AGPS: variants seen among roughly 807,000 people sequenced by gnomAD.
AGPS encodes alkylglycerone phosphate synthase, also known as alkyldihydroxyacetonephosphate synthase, peroxisomal.
A neutral mutation model predicts 90.7 loss-of-function variants in AGPS; 26 were observed. The ratio of observed to expected loss-of-function variants is 0.29; its 90% CI spans 0.21 to 0.40. The LOEUF is 0.40. Among genes scored for constraint, AGPS ranks in the 10% least tolerant of loss-of-function variants. The pLI is 1.00. For missense variants in AGPS, 540 were observed against 816.1 expected, an observed-to-expected ratio of 0.66 and a Z score of 4.12; for synonymous variants, 294 against 285.3, an observed-to-expected ratio of 1.03 and a Z score of -0.31.
chr2:177,413,815 T>G (rs1685707772), intron 1 of AGPS, among the ~76,000 whole-genome samples: 1 of 152,224 alleles, frequency 6.6e-6, no homozygotes, highest in Non-Finnish European at 1.5e-5. Context: ...ACACCTGCCC[T>G]TACCACAAAA....
intron 16 of AGPS, among the ~76,000 whole-genome samples, chr2:177,512,481 T>C (rs989242166): frequency 1.3e-5 from 2 of 152,232 alleles, no homozygotes; most frequent in Admixed American, 1.3e-4. Context: ...TTTAATCATA[T>C]ACTGTTTGTT....
rs1384965894 is a variant in AGPS at position 177,539,412 on chromosome 2, T to A, written c.*1217T>A. ...AAGCATTTGTACATTCAAACCTGGATATTAAAGTGAAATGATTACTTTGAA... is the reference window on the plus strand; with the variant it reads ...AAGCATTTGTACATTCAAACCTGGAAATTAAAGTGAAATGATTACTTTGAA... On this transcript the variant is annotated 3_prime_UTR_variant, in exon 20 of 20. Transcript: ENST00000264167. 2 of 152,066 alleles carry A rather than the reference T, an allele frequency of 1.3e-5. No homozygotes were observed. The highest frequency in any genetic ancestry group is 2.9e-5 in the Non-Finnish European group (2 of 67,930). 9.4% of individuals were successfully genotyped at this position (152,066 alleles called of 1,614,324 possible). A position where few individuals can be genotyped will look rare whatever the true frequency, so the allele number is the denominator to read the frequency against.
chr2:177,463,172 A>G (rs1302170392), intron 9 of AGPS, among the ~76,000 whole-genome samples: 1 of 152,216 alleles, frequency 6.6e-6, no homozygotes, highest in Non-Finnish European at 1.5e-5. Context: ...GTATAATAAT[A>G]GTATATAACT....
chr2:177,535,384 T>C (rs544250564), intron 19 of AGPS, among the ~76,000 whole-genome samples: 2 of 152,310 alleles, frequency 1.3e-5, no homozygotes, highest in Admixed American at 6.5e-5. Flanking sequence ...AATAAGGAAC[T>C]GCTATATAGT....
At chr2:177,434,997 G>GGGTGTATATATATATATA (rs36151985) in intron 3 of AGPS, among the ~76,000 whole-genome samples, 79 of 128,120 alleles carry the variant, frequency 6.2e-4, no homozygotes, top group African/African-American at 2.4e-3. Context: ...TAAACTGTAG[G>GGGTGTATATATATATATA]TATATATATA....
intron 19 of AGPS, among the ~76,000 whole-genome samples, 198 bp downstream of exon 19, chr2:177,524,003 C>T (rs780336575): frequency 1.7e-4 from 26 of 152,184 alleles, no homozygotes; most frequent in Non-Finnish European, 3.2e-4. Context: ...TACTTTGACA[C>T]GCCTGCCTAG....
At chr2:177,414,520 G>A (rs1406051079) in intron 1 of AGPS, among the ~76,000 whole-genome samples, 1 of 152,132 alleles carries the variant, frequency 6.6e-6, no homozygotes, top group Non-Finnish European at 1.5e-5. Context: ...GTTTTTTAGA[G>A]TGCTAGTTTC....
intron 9 of AGPS, among the ~76,000 whole-genome samples, chr2:177,465,991 G>A (rs1687434749): frequency 6.6e-6 from 1 of 152,228 alleles, no homozygotes; most frequent in South Asian, 2.1e-4. Context: ...GGGTGAGCAA[G>A]GTGAAGGAGT....
At chr2:177,422,277 G>T (rs1268336128) in intron 2 of AGPS, among the ~76,000 whole-genome samples, 2 of 151,994 alleles carry the variant, frequency 1.3e-5, no homozygotes, top group Admixed American at 1.3e-4. Context: ...CTGATGTTAG[G>T]GTATCTAGAG....
At chr2:177,473,205 A>T (rs148312327) in intron 10 of AGPS, among the ~76,000 whole-genome samples, 17 of 152,300 alleles carry the variant, frequency 1.1e-4, no homozygotes, top group African/African-American at 3.8e-4. Context: ...TATGCTGAAG[A>T]TCTAGGTCCT....
intron 8 of AGPS, among the ~76,000 whole-genome samples, chr2:177,452,252 G>C (rs1686973081): frequency 6.6e-6 from 1 of 152,054 alleles, no homozygotes; most frequent in South Asian, 2.1e-4. Context: ...CTGTCTACTT[G>C]TTCTGTCAGT....
chr2:177,462,552 C>T (rs146346992), intron 9 of AGPS, among the ~76,000 whole-genome samples: 189 of 152,114 alleles, frequency 1.2e-3, no homozygotes, highest in African/African-American at 3.6e-3. Context: ...CAGGTGACTA[C>T]ATTTTAAGCT....
rs73029114 is a variant in AGPS, at chr2:177,420,453, G to A, written c.350+95G>A. The A allele has an allele frequency of 4.4e-3, 4,007 of 918,138 alleles. 98 individuals carry two copies. The African/African-American group carries it at 0.054, about 12-fold the overall frequency. The allele number at this position is 918,138 out of a possible 1,614,324, so 56.9% of individuals were successfully genotyped here. Reference sequence around the variant, plus strand: ...CATGAAAATATAATGATTCCTCCTTGAGTTTAAACATTATCAACATTTTGC... The same window carrying A: ...CATGAAAATATAATGATTCCTCCTTAAGTTTAAACATTATCAACATTTTGC... On this transcript the variant is annotated intron_variant, in intron 2 of 19. Coordinates refer to ENST00000264167, the MANE Select transcript of AGPS (RefSeq NM_003659.4).
chr2:177,468,318 T>TA (rs1687517320), intron 9 of AGPS, 98 bp from the exon 10 acceptor site: 3 of 675,404 alleles, frequency 4.4e-6, no homozygotes, highest in African/African-American at 3.6e-5. Flanking sequence ...CCCAATACTT[T>TA]AAAAGTAGGT....
At position 177,392,818 on chromosome 2, in the gene AGPS, G is replaced by T; in HGVS notation, c.29G>T (p.Gly10Val). MAEAAAAAG[G>V]TGLGAGASYG... ...GCGGAGGCGGCGGCTGCAGCGGGTG[G>T]GACTGGCTTGGGCGCGGGCGCGAGC... Residue 10 changes from glycine to valine, a missense_variant, in exon 1 of 20, where the codon GGG becomes GTG. Transcript: ENST00000264167. 2 of 1,547,162 alleles carry T rather than the reference G, an allele frequency of 1.3e-6. No individual in the cohort carries two copies. Among genetic ancestry groups the T allele is most frequent in the African/African-American group, 1.4e-5 (1 of 72,216 alleles).
In AGPS at chr2:177,415,177, A is replaced by G. The variant is rs1574349532; in HGVS notation, c.261-5092A>G. On this transcript the variant is annotated intron_variant, in intron 1 of 19. Coordinates refer to ENST00000264167, the MANE Select transcript of AGPS (RefSeq NM_003659.4). ...TGATTGCTGCATTAATATTTCATGG[A>G]ATGCATTTTCCACATTACTTACCTG... Among the ~76,000 whole-genome samples, 6 of 152,182 alleles carry G rather than the reference A, an allele frequency of 3.9e-5. 1 individual carries two copies. The highest frequency in any genetic ancestry group is 1.4e-4 in the African/African-American group (6 of 41,518).
chr2:177,448,812 C>G (rs1490685462), intron 8 of AGPS, among the ~76,000 whole-genome samples: 1 of 152,156 alleles, frequency 6.6e-6, no homozygotes, highest in Non-Finnish European at 1.5e-5. Context: ...TTTCCTCTTT[C>G]TCCTTTATAA....
intron 1 of AGPS, among the ~76,000 whole-genome samples, chr2:177,412,800 T>TA (rs1685657523): frequency 6.6e-6 from 1 of 152,112 alleles, no homozygotes; most frequent in Non-Finnish European, 1.5e-5. Context: ...GTTATAGCTC[T>TA]ATTAGAAGCC....
chr2:177,455,490 C>T lies in AGPS; in HGVS notation c.871-6403C>T, dbSNP rs76467453. ...TTTTTAAAATACAAGGATGGAGTCT[C>T]GCTATGTTGCCCAGGTTGGTCTTGA... is the stretch of plus-strand genomic sequence containing the variant. On this transcript the variant is annotated intron_variant, in intron 8 of 19. Coordinates refer to ENST00000264167, the MANE Select transcript of AGPS (RefSeq NM_003659.4). 2.8e-3 allele frequency among the ~76,000 whole-genome samples: 421 copies of T among 151,936 alleles called. 15 individuals are homozygous for T. In the East Asian group the frequency reaches 0.073, roughly 26 times the overall value.
Sources: gnomAD v4.1 joint callset for allele counts (sites outside exome capture counted in the v4.1 genomes callset) on GRCh38, gnomAD v4.1.1 for gene constraint, MANE v1.5 for transcripts, NCBI Gene and HGNC (gene_info 2026-07-23, HGNC 2026-07-21) for gene names.